ASH1L: variants seen among roughly 807,000 people sequenced by gnomAD.
ASH1L encodes histone-lysine N-methyltransferase ASH1L.
A neutral mutation model predicts 269.0 loss-of-function variants in ASH1L; 23 were observed. That is an observed-to-expected ratio of 0.09 (90% confidence interval 0.06 to 0.12). The LOEUF (loss-of-function observed/expected upper bound fraction) is 0.12, where lower values mean the gene tolerates loss of function less well. Ranked by LOEUF, ASH1L falls within the 10% of genes least tolerant of loss-of-function variation. ASH1L has a pLI of 1.00. For synonymous variants in ASH1L, 1,187 were observed against 1,253.5 expected (o/e 0.95, Z 1.12); for missense variants, 2,912 against 3,567.8 (o/e 0.82, Z 4.68).
intron 5 of ASH1L, among the ~76,000 whole-genome samples, chr1:155,416,863 C>T (rs566485562): frequency 1.5e-4 from 23 of 151,542 alleles, no homozygotes; most frequent in Middle Eastern, 6.8e-3. Flanking sequence ...TCCTTTTCTT[C>T]CTTTCCTTCC....
intron 2 of ASH1L, among the ~76,000 whole-genome samples, chr1:155,498,904 C>A (rs60198676): frequency 7.3e-6 from 1 of 137,482 alleles, no homozygotes. Flanking sequence ...ACCAAAACAT[C>A]TGAGAACAGG....
intron 17 of ASH1L, among the ~76,000 whole-genome samples, chr1:155,350,704 T>C (rs1376008356): frequency 6.6e-6 from 1 of 151,542 alleles, no homozygotes; most frequent in African/African-American, 2.4e-5. Flanking sequence ...GGGCAGATCA[T>C]GAGGTCAGGA....
chr1:155,475,336 C>T (rs1179953422), intron 3 of ASH1L, among the ~76,000 whole-genome samples: 3 of 152,058 alleles, frequency 2.0e-5, no homozygotes, highest in Admixed American at 6.5e-5. Flanking sequence ...GGGGTTTCAC[C>T]GTGTTGGCCA....
At chr1:155,352,956 T>G in intron 16 of ASH1L, 98 bp from the exon 17 acceptor site, 1 of 1,199,574 alleles carries the variant, frequency 8.3e-7, no homozygotes, top group East Asian at 2.5e-5. Flanking sequence ...TATTTTCCCC[T>G]GAAGTGATTA....
chr1:155,559,755 A>G (rs186816647), intron 1 of ASH1L, among the ~76,000 whole-genome samples: 7 of 152,284 alleles, frequency 4.6e-5, no homozygotes, highest in Admixed American at 3.3e-4. Flanking sequence ...CTGAATTAGC[A>G]TCTCTTCAAG....
chr1:155,360,768 T>C (rs976275749), intron 12 of ASH1L, among the ~76,000 whole-genome samples: 9 of 152,194 alleles, frequency 5.9e-5, no homozygotes, highest in Admixed American at 5.9e-4. Context: ...TTTTCTATCC[T>C]TGGCAGCCTG....
chr1:155,349,709 C>CA, intron 17 of ASH1L, 113 bp from the exon 18 acceptor site: 1 of 299,144 alleles, frequency 3.3e-6, no homozygotes, highest in Non-Finnish European at 5.9e-6. Flanking sequence ...AAATCCAAGT[C>CA]TTTTTTTTTT....
At chr1:155,402,799 C>T (rs1049097105) in intron 6 of ASH1L, among the ~76,000 whole-genome samples, 1 of 151,812 alleles carries the variant, frequency 6.6e-6, no homozygotes, top group Non-Finnish European at 1.5e-5. Context: ...AGCAATCCTC[C>T]TACCTTGGCC....
At chr1:155,556,635 G>T (rs1053181159) in intron 1 of ASH1L, among the ~76,000 whole-genome samples, 2 of 151,928 alleles carry the variant, frequency 1.3e-5, no homozygotes, top group African/African-American at 4.8e-5. Context: ...TAGAGACGGG[G>T]TTTCACCACG....
chr1:155,544,075 T>G (rs1448107924), intron 1 of ASH1L, among the ~76,000 whole-genome samples: 1 of 152,076 alleles, frequency 6.6e-6, no homozygotes, highest in Non-Finnish European at 1.5e-5. Flanking sequence ...ACCCTCAAGC[T>G]ACTGGGCTCA....
chr1:155,435,506 C>T (rs1662015955), intron 5 of ASH1L, among the ~76,000 whole-genome samples: 1 of 151,856 alleles, frequency 6.6e-6, no homozygotes, highest in African/African-American at 2.4e-5. Flanking sequence ...TGAAAAGAGA[C>T]TTTTACTTTT....
At chr1:155,472,949 A>G (rs1268964028) in intron 3 of ASH1L, among the ~76,000 whole-genome samples, 2 of 152,140 alleles carry the variant, frequency 1.3e-5, no homozygotes, top group East Asian at 3.8e-4. Flanking sequence ...ATTCTCTCCC[A>G]AGGAAAATAT....
chr1:155,504,314 C>T (rs989575227), intron 2 of ASH1L, among the ~76,000 whole-genome samples: 5 of 152,110 alleles, frequency 3.3e-5, no homozygotes, highest in African/African-American at 1.2e-4. Context: ...GCCAGTTGTA[C>T]CCTGAATCCC....
chr1:155,345,568 CAGCT>C (rs769261878), intron 21 of ASH1L, among the ~76,000 whole-genome samples: 1 of 142,988 alleles, frequency 7.0e-6, no homozygotes, highest in Non-Finnish European at 1.5e-5. Flanking sequence ...CCACCATGCC[CAGCT>C]TTTTTTTTTT....
rs986466082 is a variant in ASH1L at position 155,370,334 on chromosome 1, A to G, written c.6686+170T>C. 5 of 749,876 alleles carry G rather than the reference A, an allele frequency of 6.7e-6. No individual in the cohort carries two copies. The African/African-American group carries it at 7.0e-5, about 10-fold the overall frequency. 46.5% of individuals were successfully genotyped at this position (749,876 alleles called of 1,614,324 possible). A position where few individuals can be genotyped will look rare whatever the true frequency, so the allele number is the denominator to read the frequency against. ...AAACAAAAATATCTGTCTGGGAGTG[A>G]GAAGTTAGGGTGAAAACGAAGCAGC... On this transcript the variant is annotated intron_variant, in intron 12 of 27. Coordinates refer to ENST00000392403, the MANE Select transcript of ASH1L (RefSeq NM_018489.3).
intron 1 of ASH1L, among the ~76,000 whole-genome samples, chr1:155,541,935 C>T (rs1283619794): frequency 6.6e-6 from 1 of 152,076 alleles, no homozygotes; most frequent in East Asian, 1.9e-4. Flanking sequence ...ACATAAATTT[C>T]CAATTACCAA....
In ASH1L at chr1:155,478,336, C is replaced by T. The variant is rs1273573475; in HGVS notation, c.4534G>A (p.Glu1512Lys). Residue 1512 changes from glutamate (E) to lysine (K), a missense_variant, in exon 3 of 28, where the codon GAA becomes AAA. Glu to Lys is a moderately conservative substitution (Grantham distance 56). Coordinates refer to ENST00000392403, the MANE Select transcript of ASH1L (RefSeq NM_018489.3). The surrounding 1 kb of genome is among the most constrained non-coding windows in gnomAD (Gnocchi z 4.6). ...CCAAATCTATAGCGCTTCAAAGATT[C>T]CAGGACAGATCGGGAAGAGCCAGTG... ...MDTGSSRSVL[E>K]SLKRYRFGKD... 1.9e-6 allele frequency: 3 copies of T among 1,614,076 alleles called. No homozygotes were observed. Among genetic ancestry groups the T allele is most frequent in the Admixed American group, 3.3e-5 (2 of 60,002 alleles).
chr1:155,513,966 T>C (rs1668338594), intron 2 of ASH1L, among the ~76,000 whole-genome samples: 3 of 152,168 alleles, frequency 2.0e-5, no homozygotes, highest in Non-Finnish European at 4.4e-5. Context: ...TTATTCAGCC[T>C]TAAAAACGAA....
At chr1:155,443,117 T>C (rs756837149) in intron 4 of ASH1L, among the ~76,000 whole-genome samples, 1 of 152,196 alleles carries the variant, frequency 6.6e-6, no homozygotes, top group Non-Finnish European at 1.5e-5. Context: ...CAGGACATAA[T>C]TCATTAACAC....
Sources: gnomAD v4.1 joint callset for allele counts (sites outside exome capture counted in the v4.1 genomes callset) on GRCh38, gnomAD v4.1.1 for gene constraint, Gnocchi (gnomAD v3.1) non-coding constraint, MANE v1.5 for transcripts, NCBI Gene and HGNC (gene_info 2026-07-23, HGNC 2026-07-21) for gene names.